Variants in MAPK10 observed in about 807,000 individuals in gnomAD.
The protein encoded by MAPK10 is mitogen-activated protein kinase 10.
A neutral mutation model predicts 59.3 loss-of-function variants in MAPK10; 25 were observed. The observed-to-expected ratio is 0.42, with a 90% CI of 0.31 to 0.59. The LOEUF (loss-of-function observed/expected upper bound fraction) is 0.59. Among genes scored for constraint, MAPK10 ranks in the 20% least tolerant of loss-of-function variants. The pLI, the probability that MAPK10 is intolerant of heterozygous loss-of-function variation, is 0.15. For missense variants in MAPK10, 351 were observed against 568.9 expected, an observed-to-expected ratio of 0.62 and a Z score of 3.90; for synonymous variants, 190 against 200.5, an observed-to-expected ratio of 0.95 and a Z score of 0.44.
At chr4:86,150,384 C>G (rs2066108903) in intron 4 of MAPK10, among the ~76,000 whole-genome samples, 2 of 152,144 alleles carry the variant, frequency 1.3e-5, no homozygotes, top group African/African-American at 4.8e-5. Flanking sequence ...ACTAAAATCT[C>G]AGAATTCACC....
chr4:86,412,055 G>A (rs1407623112), intron 1 of MAPK10, among the ~76,000 whole-genome samples: 4 of 152,162 alleles, frequency 2.6e-5, no homozygotes, highest in Non-Finnish European at 4.4e-5. Context: ...CCCTTTCCAT[G>A]TTTAGTACTT....
chr4:86,156,128 A>G (rs961865202), intron 4 of MAPK10, among the ~76,000 whole-genome samples: 21 of 152,090 alleles, frequency 1.4e-4, no homozygotes, highest in African/African-American at 5.1e-4. Flanking sequence ...GAAACCACAG[A>G]AAGCTAAACC....
chr4:86,071,323 T>C (rs1404558908), intron 9 of MAPK10, among the ~76,000 whole-genome samples: 9 of 130,066 alleles, frequency 6.9e-5, no homozygotes, highest in African/African-American at 2.8e-4. Context: ...TTGCGAACAT[T>C]TTCTCCCATT....
intron 9 of MAPK10, among the ~76,000 whole-genome samples, chr4:86,073,329 C>G (rs908129220): frequency 1.3e-5 from 2 of 151,404 alleles, no homozygotes; most frequent in Admixed American, 6.6e-5. Context: ...TTTTGTTGAT[C>G]CTTTCAAAAA....
intron 5 of MAPK10, among the ~76,000 whole-genome samples, chr4:86,106,631 C>T (rs969134661): frequency 1.3e-5 from 2 of 151,570 alleles, no homozygotes; most frequent in African/African-American, 4.8e-5. Flanking sequence ...ACTGGTCTAC[C>T]CAGCTGAGTT....
At chr4:86,048,501 T>C (rs1191931606) in intron 11 of MAPK10, among the ~76,000 whole-genome samples, 2 of 152,100 alleles carry the variant, frequency 1.3e-5, no homozygotes, top group African/African-American at 4.8e-5. Flanking sequence ...CGAACACAGA[T>C]ATTGCTGAGT....
chr4:86,228,038 T>C (rs1056793231), intron 2 of MAPK10, among the ~76,000 whole-genome samples: 1 of 152,148 alleles, frequency 6.6e-6, no homozygotes, highest in African/African-American at 2.4e-5. Flanking sequence ...CAAATCCTTG[T>C]TGGCTATTTA....
intron 2 of MAPK10, among the ~76,000 whole-genome samples, chr4:86,302,628 G>C (rs1051804996): frequency 6.6e-6 from 1 of 152,128 alleles, no homozygotes; most frequent in African/African-American, 2.4e-5. Flanking sequence ...TATTTAGGGA[G>C]TAAATACTGG....
intron 1 of MAPK10, among the ~76,000 whole-genome samples, chr4:86,458,563 T>C (rs150008923): frequency 9.7e-4 from 147 of 152,178 alleles, no homozygotes; most frequent in Non-Finnish European, 1.8e-3. Context: ...CTGGTATAAA[T>C]ATAGGCATAT....
Position 86,521,485 on chromosome 4 carries a change from C to T in MAPK10, c.-263+72425G>A, listed in dbSNP as rs140947159. On this transcript the variant is annotated intron_variant, in intron 1 of 4. Transcript: ENST00000502302. The stretch of plus-strand genomic sequence containing the variant: ...GGGTGAGGCTTGTTGTGGCCACTGT[C>T]GGGGATGGGGGTGGTTCTCAGGCCA... Among the ~76,000 whole-genome samples, 1,317 of 151,944 alleles carry T rather than the reference C, an allele frequency of 8.7e-3. 12 individuals are homozygous for T. The highest frequency in any genetic ancestry group is 0.031 in the Middle Eastern group (9 of 294).
At chr4:86,210,444 G>C (rs1356120879) in intron 2 of MAPK10, among the ~76,000 whole-genome samples, 1 of 151,496 alleles carries the variant, frequency 6.6e-6, no homozygotes, top group Non-Finnish European at 1.5e-5. Flanking sequence ...TGAAAAATCT[G>C]GTTAAATAAT....
rs370668243 is a variant in MAPK10 at position 86,273,375 on chromosome 4, T to C, written c.-6-78968A>G. Among the ~76,000 whole-genome samples, 29 of 152,158 alleles carry C rather than the reference T, an allele frequency of 1.9e-4. No homozygotes were observed. In the Middle Eastern group the frequency reaches 0.01, roughly 54 times the overall value. The stretch of plus-strand genomic sequence containing the variant: ...CATACCCCCTCCTTCTCTAAAATCC[T>C]ATAAATAAAATCAACTGGGAAATAA... On this transcript the variant is annotated intron_variant, in intron 2 of 13. Transcript: ENST00000641462.
Position 86,586,700 on chromosome 4 carries a change from G to A in MAPK10, c.-263+7210C>T, listed in dbSNP as rs1350534016. ...GTTTTGGTTCGGGTAGAGCCTTGAAGCACCTGGAAAATCAAGTAAGAATAG... is the reference window on the plus strand; with the variant it reads ...GTTTTGGTTCGGGTAGAGCCTTGAAACACCTGGAAAATCAAGTAAGAATAG... On this transcript the variant is annotated intron_variant, in intron 1 of 4. Coordinates refer to the MAPK10 transcript ENST00000502302. Among the ~76,000 whole-genome samples the A allele has an allele frequency of 3.3e-5, 5 of 152,320 alleles. No individual in the cohort carries two copies. The East Asian group carries it at 9.6e-4, about 29-fold the overall frequency.
intron 11 of MAPK10, among the ~76,000 whole-genome samples, chr4:86,053,031 C>A (rs1018940396): frequency 2.0e-5 from 3 of 151,982 alleles, no homozygotes; most frequent in African/African-American, 7.3e-5. Context: ...AAAAGTTCAT[C>A]ATGCAATTAA....
intron 2 of MAPK10, among the ~76,000 whole-genome samples, chr4:86,244,783 G>T (rs2148697380): frequency 6.6e-6 from 1 of 152,332 alleles, no homozygotes; most frequent in Non-Finnish European, 1.5e-5. Context: ...GCTGGATAAT[G>T]AAAGGGCTGA....
intron 2 of MAPK10, among the ~76,000 whole-genome samples, chr4:86,209,985 A>G (rs2085324485): frequency 6.6e-6 from 1 of 152,140 alleles, no homozygotes; most frequent in Non-Finnish European, 1.5e-5. Context: ...ATCTACAGTG[A>G]ACTCATTTTC....
chr4:86,585,046 A>G (rs1762568150), intron 1 of MAPK10, among the ~76,000 whole-genome samples: 1 of 152,210 alleles, frequency 6.6e-6, no homozygotes, highest in Non-Finnish European at 1.5e-5. Flanking sequence ...ACTGGACCGG[A>G]GAAAGGAAGA....
rs566064258 is a variant in MAPK10, at chr4:86,210,703, A to T, written c.-6-16296T>A. ...AAAAGTCACAAGTCATACAAAAAAA[A>T]GGGAAGTATGGCTCAGTCAAAGAAA... On this transcript the variant is annotated intron_variant, in intron 2 of 13. Coordinates refer to ENST00000641462, the MANE Select transcript of MAPK10 (RefSeq NM_138982.4). Among the ~76,000 whole-genome samples, 5 of 151,954 alleles carry T rather than the reference A, an allele frequency of 3.3e-5. No homozygotes were observed. The South Asian group carries it at 8.3e-4, about 25-fold the overall frequency.
chr4:86,078,591 GTA>G (rs112023213), intron 9 of MAPK10, among the ~76,000 whole-genome samples: 107 of 147,840 alleles, frequency 7.2e-4, no homozygotes, highest in African/African-American at 2.4e-3. Flanking sequence ...AAATACATAT[GTA>G]TATATATATA....
Sources: gnomAD v4.1 joint callset for allele counts (sites outside exome capture counted in the v4.1 genomes callset) on GRCh38, gnomAD v4.1.1 for gene constraint, MANE v1.5 for transcripts, NCBI Gene and HGNC (gene_info 2026-07-23, HGNC 2026-07-21) for gene names.